USP34: variants seen among roughly 807,000 people sequenced by gnomAD.
USP34 encodes the protein ubiquitin carboxyl-terminal hydrolase 34.
A neutral mutation model predicts 460.3 loss-of-function variants in USP34; 70 were observed. The ratio of observed to expected loss-of-function variants is 0.15; its 90% CI spans 0.13 to 0.19. The LOEUF is 0.19. Ranked by LOEUF, USP34 falls within the 10% of genes least tolerant of loss-of-function variation. USP34 has a pLI of 1.00. For missense variants in USP34, 3,985 were observed against 4,236.2 expected (o/e 0.94, Z 1.65); for synonymous variants, 1,647 against 1,405.3 (o/e 1.17, Z -3.85).
Position 61,470,714 on chromosome 2 carries a change from C to CA in USP34, c.-23_-22insT. Reference sequence around the variant, plus strand: ...ACATCGTTCGGCCGCCGCCCCCCCCCTCCCCCGCTTCGGATCACACTGACT... The same window carrying CA: ...ACATCGTTCGGCCGCCGCCCCCCCCCATCCCCCGCTTCGGATCACACTGACT... On this transcript the variant is annotated 5_prime_UTR_variant, in exon 1 of 80. In the 5' UTR this introduces an upstream ATG that the reference lacks. Coordinates refer to ENST00000398571, the MANE Select transcript of USP34 (RefSeq NM_014709.4). 1 of 1,587,220 alleles carries CA rather than the reference C, an allele frequency of 6.3e-7. No individual in the cohort carries two copies. The highest frequency in any genetic ancestry group is 8.6e-7 in the Non-Finnish European group (1 of 1,165,796).
intron 53 of USP34, among the ~76,000 whole-genome samples, chr2:61,238,643 T>C (rs959002836): frequency 6.6e-5 from 10 of 152,352 alleles, no homozygotes; most frequent in African/African-American, 2.4e-4. Context: ...TTAATATTCA[T>C]GTACACAGTA....
At chr2:61,342,517 G>C (rs1244038198) in intron 16 of USP34, among the ~76,000 whole-genome samples, 2 of 150,578 alleles carry the variant, frequency 1.3e-5, no homozygotes. Context: ...TCACCACGTT[G>C]GCTAGACTAG....
intron 74 of USP34, 115 bp downstream of exon 74, chr2:61,204,141 T>G (rs1184987330): frequency 7.2e-7 from 1 of 1,381,988 alleles, no homozygotes; most frequent in East Asian, 2.3e-5. Context: ...AATCTAATCT[T>G]CTTAGGATCC....
chr2:61,385,997 CAAAAAA>C (rs58518474), intron 5 of USP34, among the ~76,000 whole-genome samples: 7 of 99,444 alleles, frequency 7.0e-5, no homozygotes, highest in African/African-American at 2.2e-4. Context: ...ACTCTGTCTC[CAAAAAA>C]AAAAAAAAAA....
intron 53 of USP34, among the ~76,000 whole-genome samples, chr2:61,238,887 A>G (rs894923333): frequency 3.3e-5 from 5 of 152,054 alleles, no homozygotes; most frequent in Admixed American, 6.6e-5. Context: ...TATTGGCACC[A>G]TTTTTCTAAT....
chr2:61,337,701 C>T (rs1691465985), intron 18 of USP34, among the ~76,000 whole-genome samples: 1 of 152,184 alleles, frequency 6.6e-6, no homozygotes, highest in South Asian at 2.1e-4. Flanking sequence ...TGCAATCCAC[C>T]TACCTTGGCC....
intron 10 of USP34, among the ~76,000 whole-genome samples, chr2:61,360,924 A>G (rs189167474): frequency 1.3e-5 from 2 of 152,302 alleles, no homozygotes; most frequent in African/African-American, 4.8e-5. Flanking sequence ...GGCCTCCCCA[A>G]AGTGCTGGGA....
intron 3 of USP34, among the ~76,000 whole-genome samples, chr2:61,400,651 G>C (rs951553144): frequency 3.3e-5 from 5 of 151,992 alleles, no homozygotes; most frequent in African/African-American, 1.2e-4. Context: ...GGAGCTCAAA[G>C]CCAGCCCAGG....
chr2:61,322,972 T>C (rs968198122), intron 21 of USP34, among the ~76,000 whole-genome samples: 1 of 152,226 alleles, frequency 6.6e-6, no homozygotes, highest in Non-Finnish European at 1.5e-5. Context: ...TTTTGTTATT[T>C]TTTAAAAGAC....
At chr2:61,450,789 T>C (rs1243916275) in intron 1 of USP34, among the ~76,000 whole-genome samples, 1 of 151,954 alleles carries the variant, frequency 6.6e-6, no homozygotes, top group African/African-American at 2.4e-5. Context: ...AGATACATTA[T>C]TTCCTTTCGG....
chr2:61,449,143 AGGAGGGAAT>A (rs988315458), intron 1 of USP34, among the ~76,000 whole-genome samples: 8 of 130,268 alleles, frequency 6.1e-5, no homozygotes, highest in African/African-American at 2.0e-4. Flanking sequence ...GGCAACAGGA[AGGAGGGAAT>A]GGAGGGACGG....
intron 72 of USP34, among the ~76,000 whole-genome samples, chr2:61,205,398 A>T (rs1254834963): frequency 6.6e-6 from 1 of 152,126 alleles, no homozygotes; most frequent in African/African-American, 2.4e-5. Context: ...CCCTCTTGCT[A>T]GAGAAGTAAT....
intron 48 of USP34, 58 bp from the exon 49 acceptor site, chr2:61,248,741 T>A (rs1688489909): frequency 6.9e-7 from 1 of 1,456,270 alleles, no homozygotes; most frequent in African/African-American, 1.4e-5. Flanking sequence ...TCAGTTGGTT[T>A]GATTTCTGTT....
At chr2:61,282,710 T>C (rs1689569902) in intron 37 of USP34, among the ~76,000 whole-genome samples, 1 of 152,004 alleles carries the variant, frequency 6.6e-6, no homozygotes, top group Admixed American at 6.5e-5. Context: ...GGATCGCTTG[T>C]TCCCAGGAGG....
chr2:61,277,733 T>A (rs1306265615), intron 41 of USP34: 1 of 155,470 alleles, frequency 6.4e-6, no homozygotes, highest in Non-Finnish European at 1.4e-5. Context: ...AGTTTGGCCG[T>A]GTCTCCACCC....
At chr2:61,440,690 G>C (rs1235533997) in intron 1 of USP34, among the ~76,000 whole-genome samples, 1 of 151,548 alleles carries the variant, frequency 6.6e-6, no homozygotes, top group African/African-American at 2.4e-5. Flanking sequence ...GCTACTTTTT[G>C]TATTTTTAGT....
intron 52 of USP34, 24 bp downstream of exon 52, chr2:61,241,742 A>G: frequency 6.7e-7 from 1 of 1,494,456 alleles, no homozygotes; most frequent in Non-Finnish European, 9.1e-7. Flanking sequence ...ACAATATAAA[A>G]TTATACATGA....
Position 61,385,438 on chromosome 2 carries a change from G to A in USP34, c.754-2102C>T, listed in dbSNP as rs565450348. The stretch of plus-strand genomic sequence containing the variant: ...GGCTCACATCTCACTTTGGGAGGCC[G>A]AGGCGGGCGGATCACGAGGTCAGGA... On this transcript the variant is annotated intron_variant, in intron 5 of 79. Coordinates refer to ENST00000398571, the MANE Select transcript of USP34 (RefSeq NM_014709.4). Among the ~76,000 whole-genome samples, 16 of 151,986 alleles carry A rather than the reference G, an allele frequency of 1.1e-4. 1 individual carries two copies. The highest frequency in any genetic ancestry group is 6.2e-4 in the South Asian group (3 of 4,822).
At chr2:61,339,162 C>A (rs532714065) in intron 18 of USP34, among the ~76,000 whole-genome samples, 189 bp downstream of exon 18, 3 of 152,120 alleles carry the variant, frequency 2.0e-5, no homozygotes, top group Non-Finnish European at 2.9e-5. Flanking sequence ...AAGAGCAACA[C>A]TGAGTGCTAA....
Sources: allele counts gnomAD v4.1 joint callset (sites outside exome capture counted in the v4.1 genomes callset), GRCh38; gene constraint gnomAD v4.1.1; transcripts MANE v1.5; gene names NCBI Gene and HGNC (gene_info 2026-07-23, HGNC 2026-07-21).